The following MAD1L1 variants were observed in gnomAD, a reference collection of about 807,000 sequenced individuals.
MAD1L1 encodes mitotic spindle assembly checkpoint protein MAD1.
A neutral mutation model predicts 96.9 loss-of-function variants in MAD1L1; 95 were observed. The observed-to-expected ratio is 0.98, with a 90% CI of 0.83 to 1.16. The LOEUF (loss-of-function observed/expected upper bound fraction) is 1.16, where lower values mean the gene tolerates loss of function less well. MAD1L1 is among the 50% of genes most tolerant of loss of function. The pLI is 0.00. For missense variants in MAD1L1, 1,007 were observed against 954.4 expected (o/e 1.06, Z -0.73); for synonymous variants, 473 against 396.6 (o/e 1.19, Z -2.29).
At chr7:1,835,738 T>G (rs1428818461) in intron 18 of MAD1L1, among the ~76,000 whole-genome samples, 2 of 152,130 alleles carry the variant, frequency 1.3e-5, no homozygotes, top group African/African-American at 2.4e-5. Context: ...AACAGAAGAA[T>G]GGCTACTCCA....
intron 9 of MAD1L1, among the ~76,000 whole-genome samples, chr7:2,213,745 G>A (rs1018423068): frequency 1.1e-4 from 17 of 152,298 alleles, no homozygotes; most frequent in African/African-American, 4.1e-4. Context: ...GGACCAGCAG[G>A]CCCTAGGAGA....
chr7:2,143,415 C>T (rs1331051217), intron 11 of MAD1L1, among the ~76,000 whole-genome samples: 10 of 151,096 alleles, frequency 6.6e-5, no homozygotes, highest in East Asian at 1.9e-4. Flanking sequence ...CTTGAGAGGA[C>T]GGCCTAACCA....
chr7:1,832,416 GA>G (rs1782742382), intron 18 of MAD1L1, among the ~76,000 whole-genome samples: 2 of 151,266 alleles, frequency 1.3e-5, no homozygotes, highest in African/African-American at 4.9e-5. Context: ...TGCTCCTGGT[GA>G]AAATGCTGTG....
chr7:1,904,408 G>C (rs901446576), intron 17 of MAD1L1, among the ~76,000 whole-genome samples: 6 of 141,974 alleles, frequency 4.2e-5, no homozygotes, highest in Admixed American at 2.1e-4. Context: ...CACTGTTCCA[G>C]GCAGTGAGGA....
intron 18 of MAD1L1, chr7:1,854,308 C>A (rs951087465): frequency 8.9e-6 from 4 of 449,034 alleles, no homozygotes; most frequent in Non-Finnish European, 8.9e-6. Flanking sequence ...CAGCAGCGAG[C>A]GGACGTCCTG....
At chr7:1,867,698 G>A (rs547315423) in intron 18 of MAD1L1, among the ~76,000 whole-genome samples, 3 of 152,318 alleles carry the variant, frequency 2.0e-5, no homozygotes, top group East Asian at 1.9e-4. Context: ...CCTGGCCTCC[G>A]GGGCAGAGCT....
chr7:1,817,971 T>A (rs1418890672), intron 18 of MAD1L1, among the ~76,000 whole-genome samples: 1 of 151,568 alleles, frequency 6.6e-6, no homozygotes, highest in African/African-American at 2.4e-5. Context: ...TCAGGAGCCG[T>A]CCCCGTGCCC....
chr7:1,892,065 A>G (rs548445191), intron 18 of MAD1L1, among the ~76,000 whole-genome samples: 7 of 152,248 alleles, frequency 4.6e-5, no homozygotes, highest in African/African-American at 1.7e-4. Flanking sequence ...TGAGCACCCT[A>G]CGCAGGTGCA....
In MAD1L1 at chr7:1,936,932, C is replaced by G. The variant is rs780675189; in HGVS notation, c.1597-35G>C. 3.9e-6 allele frequency: 6 copies of G among 1,526,730 alleles called. No homozygotes were observed. In the Admixed American group the frequency reaches 1.2e-4, roughly 30 times the overall value. The allele number at this position is 1,526,730 out of a possible 1,614,324, so 94.6% of individuals were successfully genotyped here. A position where few individuals can be genotyped will look rare whatever the true frequency, so the allele number is the denominator to read the frequency against. On this transcript the variant is annotated intron_variant, in intron 16 of 18. Coordinates refer to ENST00000265854, the MANE Select transcript of MAD1L1 (RefSeq NM_001013836.2). ...CACACACAGCACAGGTCACCATGGC[C>G]CAGGCACACACGCAGCACGGGTCAC...
chr7:1,855,323 G>A (rs550898528), intron 18 of MAD1L1, among the ~76,000 whole-genome samples: 13 of 152,090 alleles, frequency 8.5e-5, no homozygotes, highest in South Asian at 8.3e-4. Flanking sequence ...GGTTGCTCTC[G>A]TTTTCTCCAG....
chr7:1,859,813 C>A (rs914645591), intron 18 of MAD1L1, among the ~76,000 whole-genome samples: 1 of 147,748 alleles, frequency 6.8e-6, no homozygotes, highest in African/African-American at 2.5e-5. Flanking sequence ...TGACATCCAG[C>A]GGGGTGGCCT....
At chr7:2,100,683 C>A (rs1386960971) in intron 11 of MAD1L1, among the ~76,000 whole-genome samples, 1 of 152,232 alleles carries the variant, frequency 6.6e-6, no homozygotes, top group Non-Finnish European at 1.5e-5. Context: ...AGAGTGGGAG[C>A]CGCGTCCACC....
In MAD1L1 at chr7:2,183,227, G is replaced by C. The variant is rs117869677; in HGVS notation, c.986+29985C>G. ...GACTCTGCCTCAAAAAAAAAAAAAA[G>C]AACAACAGTCAGTCTTACAGTAGTA... On this transcript the variant is annotated intron_variant, in intron 10 of 18. Transcript: ENST00000265854. Among the ~76,000 whole-genome samples, 604 of 148,732 alleles carry C rather than the reference G, an allele frequency of 4.1e-3. 8 individuals carry two copies. The East Asian group carries it at 0.06, about 15-fold the overall frequency.
intron 11 of MAD1L1, among the ~76,000 whole-genome samples, chr7:2,127,020 C>G (rs936427334): frequency 3.3e-5 from 5 of 152,194 alleles, no homozygotes; most frequent in South Asian, 2.1e-4. Context: ...GAAGCACATC[C>G]GAGGCCTCGT....
chr7:2,210,922 G>A (rs192986299), intron 10 of MAD1L1, among the ~76,000 whole-genome samples: 94 of 152,304 alleles, frequency 6.2e-4, no homozygotes, highest in African/African-American at 2.1e-3. Flanking sequence ...ACACGATCAC[G>A]TCGGATCTTC....
At chr7:2,105,063 G>A (rs1238095075) in intron 11 of MAD1L1, among the ~76,000 whole-genome samples, 2 of 152,210 alleles carry the variant, frequency 1.3e-5, no homozygotes, top group East Asian at 1.9e-4. Flanking sequence ...CCCAGGGGCC[G>A]GACACCGCAG....
chr7:2,034,546 G>A (rs374868796), intron 12 of MAD1L1, among the ~76,000 whole-genome samples: 1 of 152,196 alleles, frequency 6.6e-6, no homozygotes, highest in Admixed American at 6.5e-5. Flanking sequence ...TCTACACGAA[G>A]AAACATCGTA....
chr7:2,226,314 G>T lies in MAD1L1; in HGVS notation c.151-764C>A, dbSNP rs115982601. The stretch of plus-strand genomic sequence containing the variant: ...GCAGTAGGAAGGTGAGTGTGCACAA[G>T]GAGCCTGGAATCTGGGGGCCCTCTC... On this transcript the variant is annotated intron_variant, in intron 3 of 18. Coordinates refer to ENST00000265854, the MANE Select transcript of MAD1L1 (RefSeq NM_001013836.2). Among the ~76,000 whole-genome samples the T allele has an allele frequency of 2.6e-3, 395 of 152,290 alleles. 1 individual carries two copies. Among genetic ancestry groups the T allele is most frequent in the African/African-American group, 9.1e-3 (379 of 41,546 alleles).
At chr7:2,127,454 GA>G (rs1788284994) in intron 11 of MAD1L1, among the ~76,000 whole-genome samples, 1 of 152,208 alleles carries the variant, frequency 6.6e-6, no homozygotes, top group South Asian at 2.1e-4. Flanking sequence ...AGCCTCTTGG[GA>G]AGCTGCTTCG....
Sources: gnomAD v4.1 joint callset for allele counts (sites outside exome capture counted in the v4.1 genomes callset) on GRCh38, gnomAD v4.1.1 for gene constraint, MANE v1.5 for transcripts, NCBI Gene and HGNC (gene_info 2026-07-23, HGNC 2026-07-21) for gene names.